Variants in PRF1 observed in about 807,000 individuals in gnomAD.
PRF1 encodes the protein perforin-1.
A neutral mutation model predicts 11.7 loss-of-function variants in PRF1; 11 were observed. The ratio of observed to expected loss-of-function variants is 0.94; its 90% CI spans 0.59 to 1.56. The LOEUF is 1.56. Ranked by LOEUF, PRF1 falls within the 40% of genes most tolerant of loss-of-function variation. The probability of loss-of-function intolerance (pLI) is 0.00; values close to 1 mark genes in which losing one functional copy is unlikely to be tolerated. For missense variants in PRF1, 729 were observed against 751.0 expected, an observed-to-expected ratio of 0.97 and a Z score of 0.34; for synonymous variants, 314 against 327.8, an observed-to-expected ratio of 0.96 and a Z score of 0.45.
In PRF1 at chr10:70,598,085, G is replaced by C. The variant is rs550799905; in HGVS notation, c.1636C>G (p.Pro546Ala). The C allele has an allele frequency of 9.3e-6, 15 of 1,613,878 alleles. No individual in the cohort carries two copies. In the African/African-American group the frequency reaches 1.5e-4, roughly 16 times the overall value. Residue 546 changes from proline to alanine, a missense_variant, in exon 3 of 3, where the codon CCT (proline) becomes GCT (alanine). Physicochemically the swap from Pro to Ala is conservative, Grantham distance 27. Transcript: ENST00000441259. ...ACGGCCCCACTCCGGTTTCCTGGAG[G>C]CTCCCCCAGAAGCATTTGGGGGACA... is the stretch of plus-strand genomic sequence containing the variant. ...DYVPQMLLGE[P>A]PGNRSGAVW
intron 1 of PRF1, among the ~76,000 whole-genome samples, chr10:70,601,840 A>AAAAAAAAAGAGAGAAAGAAAAAAAAG (rs55649452): frequency 1.0e-5 from 1 of 97,764 alleles, no homozygotes; most frequent in Admixed American, 1.3e-4. Flanking sequence ...AAAAAAAAAA[A>AAAAAAAAAGAGAGAAAGAAAAAAAAG]AAAAAGGGGC....
In PRF1 at chr10:70,600,475, A is replaced by G; in HGVS notation, c.428T>C (p.Val143Ala). The change falls in exon 2 of 3, where the codon GTG (valine) becomes GCG (alanine). Residue 143 changes from valine (V) to alanine (A), a missense_variant. Coordinates refer to ENST00000441259, the MANE Select transcript of PRF1 (RefSeq NM_001083116.3). This position sits in a 1 kb window ranked among gnomAD's most constrained non-coding sequence, Gnocchi z 4.9. ...GTGTGAGCCGGCCACAGACACATGC[A>G]CATTGCTGGTGGGCTTAGGAGTCAC... ...LDVTPKPTSNVHVSVAGSHSQ... is the reference protein window; with the variant it reads ...LDVTPKPTSNAHVSVAGSHSQ... 6.2e-7 allele frequency: 1 copy of G among 1,614,204 alleles called. No homozygotes were observed. The highest frequency in any genetic ancestry group is 8.5e-7 in the Non-Finnish European group (1 of 1,180,038).
chr10:70,598,225 T>A lies in PRF1; in HGVS notation c.1496A>T (p.Gln499Leu). The stretch of plus-strand genomic sequence containing the variant: ...CTCATGGGAACCAGACTTGGGAGCC[T>A]GATCACAGGTGCCAAGGAGGTCATC... ...RDDDLLGTCD[Q>L]APKSGSHEVR... Residue 499 changes from glutamine to leucine, a missense_variant, in exon 3 of 3, where the codon CAG becomes CTG. Gln to Leu is a moderately radical substitution (Grantham distance 113). Coordinates refer to ENST00000441259, the MANE Select transcript of PRF1 (RefSeq NM_001083116.3). 1.9e-6 allele frequency: 3 copies of A among 1,614,194 alleles called. No homozygotes were observed. Among genetic ancestry groups the A allele is most frequent in the Non-Finnish European group, 2.5e-6 (3 of 1,180,026 alleles).
In PRF1 at chr10:70,598,078, C is replaced by T. The variant is rs144892262; in HGVS notation, c.1643G>A (p.Gly548Glu). 7 of 1,613,830 alleles carry T rather than the reference C, an allele frequency of 4.3e-6. No individual in the cohort carries two copies. Among genetic ancestry groups the T allele is most frequent in the Non-Finnish European group, 5.1e-6 (6 of 1,180,042 alleles). ...TCACCACACGGCCCCACTCCGGTTT[C>T]CTGGAGGCTCCCCCAGAAGCATTTG... ...VPQMLLGEPPGNRSGAVW is the reference protein window; with the variant it reads ...VPQMLLGEPPENRSGAVW The change falls in exon 3 of 3, where the codon GGA becomes GAA. Residue 548 changes from glycine to glutamate, a missense_variant. Coordinates refer to ENST00000441259, the MANE Select transcript of PRF1 (RefSeq NM_001083116.3).
Position 70,599,526 on chromosome 10 carries a change from G to T in PRF1, c.540-345C>A, listed in dbSNP as rs531883058. 3.9e-5 allele frequency among the ~76,000 whole-genome samples: 6 copies of T among 152,280 alleles called. No homozygotes were observed. In the South Asian group the frequency reaches 1.2e-3, roughly 32 times the overall value. ...GCACTTTGGGAGGCCGAGGCGGGAG[G>T]ATCACTTGAGCCCAGGAGTTTGAGA... On this transcript the variant is annotated intron_variant, in intron 2 of 2. Transcript: ENST00000441259.
Position 70,600,824 on chromosome 10 carries a change from C to G in PRF1, c.79G>C (p.Ala27Pro). 1 of 1,612,142 alleles carries G rather than the reference C, an allele frequency of 6.2e-7. No homozygotes were observed. The highest frequency in any genetic ancestry group is 8.5e-7 in the Non-Finnish European group (1 of 1,179,312). ...TGGCTGCGCTTGCACTCTGAGCGTG[C>G]GGCTGTGTGGCACGGGGCAGGGACG... is the stretch of plus-strand genomic sequence containing the variant. ...LPVPAPCHTA[A>P]RSECKRSHKF... is the part of the protein sequence containing the mutation. Residue 27 changes from alanine to proline, a missense_variant, in exon 2 of 3, where the codon GCA (alanine) becomes CCA (proline). Ala to Pro is a conservative substitution (Grantham distance 27). Transcript: ENST00000441259. The surrounding 1 kb of genome is among the most constrained non-coding windows in gnomAD (Gnocchi z 4.9).
At chr10:70,599,308 G>C (rs924182564) in intron 2 of PRF1, 127 bp from the exon 3 acceptor site, 1 of 1,239,948 alleles carries the variant, frequency 8.1e-7, no homozygotes, top group Non-Finnish European at 1.1e-6. Context: ...CCAGGGGCCC[G>C]GCTCCAGAGC....
At position 70,597,935 on chromosome 10, in the gene PRF1, C is replaced by T. The variant is rs1041495044; in HGVS notation, c.*118G>A. ...GGCCGCATTCAAAGCCATCCTGGGC[C>T]GCATGCGGGCCTCGGGTTGGACAAG... On this transcript the variant is annotated 3_prime_UTR_variant, in exon 3 of 3. Coordinates refer to ENST00000441259, the MANE Select transcript of PRF1 (RefSeq NM_001083116.3). 26 of 1,333,840 alleles carry T rather than the reference C, an allele frequency of 1.9e-5. No individual in the cohort carries two copies. The highest frequency in any genetic ancestry group is 9.5e-5 in the Admixed American group (5 of 52,908). The allele number at this position is 1,333,840 out of a possible 1,614,324, so 82.6% of individuals were successfully genotyped here. A position where few individuals can be genotyped will look rare whatever the true frequency, so the allele number is the denominator to read the frequency against.
rs757472177 is a variant in PRF1, at chr10:70,598,704, C to T, written c.1017G>A (p.Val339=). ...VNSLPGSPGL[V]DYTLEPLHVL... ...CGTGCAGGGGTTCCAGGGTGTAGTCCACCAGGCCAGGGCTGCCGGGCAGCG... is the reference window on the plus strand; with the variant it reads ...CGTGCAGGGGTTCCAGGGTGTAGTCTACCAGGCCAGGGCTGCCGGGCAGCG... The change falls in exon 3 of 3, where the codon GTG becomes GTA. Residue 339 remains valine (V), a synonymous_variant. Coordinates refer to ENST00000441259, the MANE Select transcript of PRF1 (RefSeq NM_001083116.3). 5 of 1,614,182 alleles carry T rather than the reference C, an allele frequency of 3.1e-6. No individual in the cohort carries two copies. The African/African-American group carries it at 4.0e-5, about 13-fold the overall frequency.
rs769295756 is a variant in PRF1, at chr10:70,600,827, C to T, written c.76G>A (p.Ala26Thr). Residue 26 changes from alanine (A) to threonine (T), a missense_variant, in exon 2 of 3, where the codon GCC becomes ACC. Transcript: ENST00000441259. The surrounding 1 kb of genome is among the most constrained non-coding windows in gnomAD (Gnocchi z 4.9). Reference sequence around the variant, plus strand: ...CTGCGCTTGCACTCTGAGCGTGCGGCTGTGTGGCACGGGGCAGGGACGGGC... The same window carrying T: ...CTGCGCTTGCACTCTGAGCGTGCGGTTGTGTGGCACGGGGCAGGGACGGGC... ...PLPVPAPCHTAARSECKRSHK... is the reference protein window; with the variant it reads ...PLPVPAPCHTTARSECKRSHK... The T allele has an allele frequency of 6.2e-7, 1 of 1,612,514 alleles. No individual in the cohort carries two copies. The highest frequency in any genetic ancestry group is 2.2e-5 in the East Asian group (1 of 44,844).
chr10:70,598,528 T>TG lies in PRF1; in HGVS notation c.1192dup (p.His398ProfsTer60). The TG allele has an allele frequency of 6.2e-7, 1 of 1,613,176 alleles. No homozygotes were observed. Among genetic ancestry groups the TG allele is most frequent in the Non-Finnish European group, 8.5e-7 (1 of 1,179,920 alleles). On this transcript the variant is annotated frameshift_variant, in exon 3 of 3. Transcript: ENST00000441259. LOFTEE classifies it low-confidence loss of function (END_TRUNC). The stretch of plus-strand genomic sequence containing the variant: ...GTCCTGGGTGGTGACCGCTGAGCCA[T>TG]GGCACACACACTGGCATGGGTCTCG...
Position 70,598,166 on chromosome 10 carries a change from A to C in PRF1, c.1555T>G (p.Phe519Val). ...RCNLNHGHLK[F>V]RYHARCLPHL... ...GGCAAGCACCTGGCATGATAGCGGA[A>C]TTTTAGGTGGCCATGATTCAGGTTG... The change falls in exon 3 of 3, where the codon TTC becomes GTC. Residue 519 changes from phenylalanine (F) to valine (V), a missense_variant. By Grantham distance (50) the Phe-to-Val change is conservative (BLOSUM62 -1). Coordinates refer to ENST00000441259, the MANE Select transcript of PRF1 (RefSeq NM_001083116.3). The C allele has an allele frequency of 6.2e-7, 1 of 1,614,176 alleles. No individual in the cohort carries two copies. The highest frequency in any genetic ancestry group is 8.5e-7 in the Non-Finnish European group (1 of 1,180,030).
Position 70,598,126 on chromosome 10 carries a change from C to T in PRF1, c.1595G>A (p.Gly532Asp). The change falls in exon 3 of 3, where the codon GGC (glycine) becomes GAC (aspartate). Residue 532 changes from glycine (G) to aspartate (D), a missense_variant. Gly to Asp is a moderately conservative substitution (Grantham distance 94). Coordinates refer to ENST00000441259, the MANE Select transcript of PRF1 (RefSeq NM_001083116.3). ...TTGGGGGACATAGTCCAGGCAGGTG[C>T]CTCCTCCCAGGTGGGGCAAGCACCT... ...HARCLPHLGG[G>D]TCLDYVPQML... 1.2e-6 allele frequency: 2 copies of T among 1,614,164 alleles called. No homozygotes were observed. Among genetic ancestry groups the T allele is most frequent in the Non-Finnish European group, 1.7e-6 (2 of 1,180,034 alleles).
At position 70,598,582 on chromosome 10, in the gene PRF1, G is replaced by C. The variant is rs530097547; in HGVS notation, c.1139C>G (p.Pro380Arg). ...GCTCTTCTGCCGCCCTGGTGGGCAC[G>C]GCCGGCTGCAGTCCCTCCAGCGAGC... is the stretch of plus-strand genomic sequence containing the variant. ...DRARWRDCSRPCPPGRQKSPR... is the reference protein window; with the variant it reads ...DRARWRDCSRRCPPGRQKSPR... The change falls in exon 3 of 3, where the codon CCG becomes CGG. Residue 380 changes from proline (P) to arginine (R), a missense_variant. Transcript: ENST00000441259. The C allele has an allele frequency of 1.9e-6, 3 of 1,612,382 alleles. No homozygotes were observed. The African/African-American group carries it at 4.0e-5, about 22-fold the overall frequency.
At position 70,600,755 on chromosome 10, in the gene PRF1, C is replaced by G. The variant is rs776299562; in HGVS notation, c.148G>C (p.Val50Leu). 5.6e-6 allele frequency: 9 copies of G among 1,612,084 alleles called. No individual in the cohort carries two copies. In the East Asian group the frequency reaches 2.0e-4, roughly 36 times the overall value. The change falls in exon 2 of 3, where the codon GTG becomes CTG. Residue 50 changes from valine (V) to leucine (L), a missense_variant. Transcript: ENST00000441259. The surrounding 1 kb of genome is among the most constrained non-coding windows in gnomAD (Gnocchi z 4.9). ...GAGCCCGAGCGGCGGAGGCTGGTCA[C>G]GTCCACACCCTCCCCGGCCAGCCAT... ...GAWLAGEGVD[V>L]TSLRRSGSFP...
intron 1 of PRF1, among the ~76,000 whole-genome samples, chr10:70,601,697 C>T (rs933531953): frequency 2.0e-5 from 3 of 151,632 alleles, no homozygotes; most frequent in African/African-American, 2.4e-5. Flanking sequence ...GGCATGGTGG[C>T]GGGTGCCTGT....
In PRF1 at chr10:70,600,372, G is replaced by T; in HGVS notation, c.531C>A (p.Arg177=). 1.2e-6 allele frequency: 2 copies of T among 1,614,094 alleles called. No individual in the cohort carries two copies. Among genetic ancestry groups the T allele is most frequent in the Non-Finnish European group, 1.7e-6 (2 of 1,180,036 alleles). The change falls in exon 2 of 3, where the codon CGC becomes CGA. Residue 177 remains arginine (R), a synonymous_variant. Coordinates refer to ENST00000441259, the MANE Select transcript of PRF1 (RefSeq NM_001083116.3). This position sits in a 1 kb window ranked among gnomAD's most constrained non-coding sequence, Gnocchi z 4.9. ...YSFSTDTVEC[R]FYSFHVVHTP... Reference sequence around the variant, plus strand: ...CTAGCCCCAGCTCTCACCTGTAGAAGCGGCACTCCACCGTGTCAGTGCTGA... The same window carrying T: ...CTAGCCCCAGCTCTCACCTGTAGAATCGGCACTCCACCGTGTCAGTGCTGA...
At chr10:70,599,975 T>A (rs1564724923) in intron 2 of PRF1, among the ~76,000 whole-genome samples, 1 of 152,272 alleles carries the variant, frequency 6.6e-6, no homozygotes, top group East Asian at 1.9e-4. Context: ...ATGCTCAAGG[T>A]CACACAGCGA....
chr10:70,599,714 G>A (rs893541804), intron 2 of PRF1, among the ~76,000 whole-genome samples: 3 of 152,216 alleles, frequency 2.0e-5, no homozygotes, highest in African/African-American at 4.8e-5. Context: ...CCACATGCCC[G>A]GGATCCTGAC....
Sources: allele counts gnomAD v4.1 joint callset (sites outside exome capture counted in the v4.1 genomes callset), GRCh38; gene constraint gnomAD v4.1.1; non-coding constraint Gnocchi (gnomAD v3.1); transcripts MANE v1.5; gene names NCBI Gene and HGNC (gene_info 2026-07-23, HGNC 2026-07-21).